CEP112: variants seen among roughly 807,000 people sequenced by gnomAD.
CEP112 encodes centrosomal protein of 112 kDa.
A neutral mutation model predicts 153.0 loss-of-function variants in CEP112; 127 were observed. That is an observed-to-expected ratio of 0.83 (90% CI 0.72 to 0.96). The LOEUF (loss-of-function observed/expected upper bound fraction) is 0.96. Ranked by LOEUF, CEP112 falls within the 40% of genes least tolerant of loss-of-function variation. CEP112 has a pLI of 0.00. For synonymous variants in CEP112, 358 were observed against 374.4 expected (o/e 0.96, Z 0.51); for missense variants, 1,089 against 1,101.2 (o/e 0.99, Z 0.16).
intron 1 of CEP112, among the ~76,000 whole-genome samples, chr17:66,183,987 G>T (rs1568591680): frequency 6.6e-6 from 1 of 151,660 alleles, no homozygotes; most frequent in Admixed American, 6.6e-5. Context: ...GATAGCTCAT[G>T]CCTGTAATCC....
chr17:65,894,030 C>T (rs1008695548), intron 20 of CEP112, among the ~76,000 whole-genome samples: 20 of 152,130 alleles, frequency 1.3e-4, no homozygotes, highest in Non-Finnish European at 2.6e-4. Context: ...CTTACAGAAC[C>T]GATTGAGTCA....
At chr17:66,154,019 A>T (rs1386080498) in intron 4 of CEP112, among the ~76,000 whole-genome samples, 4 of 150,990 alleles carry the variant, frequency 2.6e-5, no homozygotes, top group South Asian at 2.1e-4. Flanking sequence ...AAAAAAAAAA[A>T]AATACAAAAA....
At chr17:65,969,898 A>G (rs1599188298) in intron 17 of CEP112, among the ~76,000 whole-genome samples, 1 of 152,342 alleles carries the variant, frequency 6.6e-6, no homozygotes, top group Non-Finnish European at 1.5e-5. Flanking sequence ...ATGCATGCTT[A>G]ACACATGCAT....
Position 65,817,722 on chromosome 17 carries a change from C to T in CEP112, c.2394+34082G>A, listed in dbSNP as rs571024511. On this transcript the variant is annotated intron_variant, in intron 21 of 26. Transcript: ENST00000535342. Reference sequence around the variant, plus strand: ...TGTCTAATTCCTTGGCCATATGAGGCATATTTTAAAAAGATGGTACAGAGC... The same window carrying T: ...TGTCTAATTCCTTGGCCATATGAGGTATATTTTAAAAAGATGGTACAGAGC... 2.6e-5 allele frequency among the ~76,000 whole-genome samples: 4 copies of T among 151,962 alleles called. No homozygotes were observed. In the South Asian group the frequency reaches 8.3e-4, roughly 31 times the overall value.
chr17:66,065,435 G>A (rs1405385505), intron 10 of CEP112, among the ~76,000 whole-genome samples: 1 of 151,866 alleles, frequency 6.6e-6, no homozygotes, highest in East Asian at 1.9e-4. Context: ...ACTTGGAATT[G>A]GCCTACTCTG....
At chr17:66,096,533 T>C (rs367798846) in intron 7 of CEP112, 52 bp downstream of exon 7, 2 of 1,298,354 alleles carry the variant, frequency 1.5e-6, no homozygotes, top group East Asian at 4.6e-5. Context: ...TAGTGATTAT[T>C]TTATTTTAAA....
intron 24 of CEP112, chr17:65,644,505 A>G: frequency 3.0e-6 from 1 of 335,262 alleles, no homozygotes. Context: ...ATACAGGTTA[A>G]TTTGGACAAA....
chr17:65,720,497 A>T (rs2049804616), intron 23 of CEP112, among the ~76,000 whole-genome samples: 1 of 152,186 alleles, frequency 6.6e-6, no homozygotes. Context: ...AGGGCATCCC[A>T]TTGTGTCAGA....
intron 12 of CEP112, among the ~76,000 whole-genome samples, chr17:66,038,348 CATTTT>C (rs770108414): frequency 1.3e-4 from 20 of 152,182 alleles, no homozygotes; most frequent in Admixed American, 5.2e-4. Flanking sequence ...GTCACTTATT[CATTTT>C]ATTTTTGATT....
chr17:66,089,495 T>A lies in CEP112; in HGVS notation c.768+6756A>T, dbSNP rs8072119. Among the ~76,000 whole-genome samples, 946 of 152,196 alleles carry A rather than the reference T, an allele frequency of 6.2e-3. 8 individuals carry two copies. The highest frequency in any genetic ancestry group is 0.022 in the African/African-American group (904 of 41,524). On this transcript the variant is annotated intron_variant, in intron 8 of 26. Coordinates refer to ENST00000535342, the MANE Select transcript of CEP112 (RefSeq NM_001199165.4). Reference sequence around the variant, plus strand: ...TGAGAAATTTAACAGAGAAATTTTTTAAAAAATCAAATTCTGGAGCTGCAA... The same window carrying A: ...TGAGAAATTTAACAGAGAAATTTTTAAAAAAATCAAATTCTGGAGCTGCAA...
chr17:66,037,904 A>G (rs1011043192), intron 12 of CEP112, among the ~76,000 whole-genome samples: 1 of 152,024 alleles, frequency 6.6e-6, no homozygotes, highest in Non-Finnish European at 1.5e-5. Flanking sequence ...GATTTTAAGT[A>G]TATACATAGA....
intron 21 of CEP112, among the ~76,000 whole-genome samples, chr17:65,785,274 G>A (rs1014575008): frequency 6.6e-6 from 1 of 152,122 alleles, no homozygotes; most frequent in Non-Finnish European, 1.5e-5. Flanking sequence ...TAATGCTTCT[G>A]TAAACATTCT....
chr17:65,697,068 A>G lies in CEP112; in HGVS notation c.2608-7850T>C, dbSNP rs567653253. 8.5e-5 allele frequency among the ~76,000 whole-genome samples: 13 copies of G among 152,350 alleles called. No individual in the cohort carries two copies. In the East Asian group the frequency reaches 2.5e-3, roughly 29 times the overall value. On this transcript the variant is annotated intron_variant, in intron 23 of 26. Transcript: ENST00000535342. ...GGCCTATTTTTATTTTTATTGAGGTATAATTTACATACAATCCAATTCAAT... is the reference window on the plus strand; with the variant it reads ...GGCCTATTTTTATTTTTATTGAGGTGTAATTTACATACAATCCAATTCAAT...
At chr17:66,141,450 T>C (rs2070696430) in intron 4 of CEP112, among the ~76,000 whole-genome samples, 1 of 149,902 alleles carries the variant, frequency 6.7e-6, no homozygotes, top group South Asian at 2.1e-4. Context: ...CTACTTAAGA[T>C]TTTAAGTGTA....
Position 65,907,951 on chromosome 17 carries a change from T to C in CEP112, c.1981-5617A>G, listed in dbSNP as rs548582204. Among the ~76,000 whole-genome samples, 3 of 152,280 alleles carry C rather than the reference T, an allele frequency of 2.0e-5. No homozygotes were observed. The South Asian group carries it at 6.2e-4, about 32-fold the overall frequency. On this transcript the variant is annotated intron_variant, in intron 19 of 26. Coordinates refer to ENST00000535342, the MANE Select transcript of CEP112 (RefSeq NM_001199165.4). ...ATGATGACCAGGAGGTGGTAAATTA[T>C]GGACATTGTAGAGGACATAAAAGCA...
chr17:65,929,068 T>C (rs1188510107), intron 18 of CEP112, among the ~76,000 whole-genome samples: 1 of 152,168 alleles, frequency 6.6e-6, no homozygotes, highest in African/African-American at 2.4e-5. Flanking sequence ...ACGGTAACTG[T>C]TAAAGGGTAT....
intron 4 of CEP112, among the ~76,000 whole-genome samples, chr17:66,146,239 C>G (rs1027609564): frequency 6.6e-6 from 1 of 151,918 alleles, no homozygotes; most frequent in African/African-American, 2.4e-5. Flanking sequence ...CCAGTGATAC[C>G]ATCTGGGCTT....
chr17:65,751,995 T>G (rs1242821263), intron 21 of CEP112, among the ~76,000 whole-genome samples: 1 of 139,978 alleles, frequency 7.1e-6, no homozygotes, highest in East Asian at 2.1e-4. Flanking sequence ...TCTATCTATC[T>G]ATCTATCTAC....
chr17:65,994,709 G>C (rs943040416), intron 17 of CEP112, among the ~76,000 whole-genome samples: 1 of 152,116 alleles, frequency 6.6e-6, no homozygotes, highest in Non-Finnish European at 1.5e-5. Context: ...GGGAAAATAG[G>C]AAACACACGG....
Sources: allele counts gnomAD v4.1 joint callset (sites outside exome capture counted in the v4.1 genomes callset), GRCh38; gene constraint gnomAD v4.1.1; transcripts MANE v1.5; gene names NCBI Gene and HGNC (gene_info 2026-07-23, HGNC 2026-07-21).